PKP4: variants seen among roughly 807,000 people sequenced by gnomAD.
The protein encoded by PKP4 is plakophilin 4, also known as plakophilin-4.
Under a neutral mutation model 145.1 loss-of-function variants are expected in PKP4, and 90 were observed. The ratio of observed to expected loss-of-function variants is 0.62; its 90% CI spans 0.52 to 0.74. PKP4 has a LOEUF of 0.74. Among genes scored for constraint, PKP4 ranks in the 30% least tolerant of loss-of-function variants. PKP4 has a pLI of 0.00. For synonymous variants in PKP4, 563 were observed against 577.2 expected (o/e 0.98, Z 0.35); for missense variants, 1,340 against 1,482.7 (o/e 0.90, Z 1.58).
At chr2:158,466,374 A>G (rs1211989224) in intron 1 of PKP4, among the ~76,000 whole-genome samples, 1 of 152,176 alleles carries the variant, frequency 6.6e-6, no homozygotes, top group African/African-American at 2.4e-5. Flanking sequence ...CTTGCTAGAT[A>G]AATAATTCAT....
chr2:158,656,179 C>T (rs2055898856), intron 11 of PKP4, among the ~76,000 whole-genome samples: 1 of 152,128 alleles, frequency 6.6e-6, no homozygotes, highest in Non-Finnish European at 1.5e-5. Flanking sequence ...TTCCTCAGTT[C>T]CTCACATGGC....
At chr2:158,489,863 G>T (rs1290253448) in intron 1 of PKP4, among the ~76,000 whole-genome samples, 1 of 152,138 alleles carries the variant, frequency 6.6e-6, no homozygotes, top group African/African-American at 2.4e-5. Context: ...TAAGGTGAGA[G>T]GAGTCTGGAT....
intron 16 of PKP4, among the ~76,000 whole-genome samples, chr2:158,667,452 C>G (rs1199763206): frequency 1.3e-5 from 2 of 152,124 alleles, no homozygotes; most frequent in Non-Finnish European, 2.9e-5. Context: ...GAGCTCCATG[C>G]CAAGTCCCAC....
intron 16 of PKP4, among the ~76,000 whole-genome samples, chr2:158,667,040 T>C (rs78468195): frequency 2.1e-5 from 1 of 48,322 alleles, no homozygotes; most frequent in East Asian, 1.1e-3. Context: ...ATTTCCACCC[T>C]GGGCAGGGGC....
intron 1 of PKP4, among the ~76,000 whole-genome samples, chr2:158,511,323 T>C (rs1310426922): frequency 6.6e-6 from 1 of 152,130 alleles, no homozygotes; most frequent in African/African-American, 2.4e-5. Flanking sequence ...GAGGCGGAGG[T>C]TGCAGTGAGC....
chr2:158,515,100 C>T (rs1449890642), intron 1 of PKP4, among the ~76,000 whole-genome samples: 1 of 152,128 alleles, frequency 6.6e-6, no homozygotes, highest in African/African-American at 2.4e-5. Context: ...TATAAATTAA[C>T]GTCTGTCCTA....
intron 1 of PKP4, among the ~76,000 whole-genome samples, chr2:158,522,542 C>A (rs1394122360): frequency 1.3e-5 from 2 of 152,146 alleles, no homozygotes; most frequent in Non-Finnish European, 2.9e-5. Flanking sequence ...CCATAGTGAA[C>A]CCTCCTCTAA....
intron 2 of PKP4, among the ~76,000 whole-genome samples, chr2:158,556,406 G>C (rs944622616): frequency 2.6e-5 from 4 of 152,158 alleles, no homozygotes; most frequent in African/African-American, 9.6e-5. Flanking sequence ...CCTGGGACTT[G>C]TTTGGTATCT....
intron 9 of PKP4, among the ~76,000 whole-genome samples, chr2:158,636,289 GATAT>G (rs1310267115): frequency 6.6e-6 from 1 of 151,492 alleles, no homozygotes; most frequent in African/African-American, 2.4e-5. Flanking sequence ...TTTTTTGCTA[GATAT>G]ATAATTCAGG....
intron 1 of PKP4, among the ~76,000 whole-genome samples, chr2:158,473,460 G>C (rs773821986): frequency 3.9e-5 from 6 of 152,188 alleles, no homozygotes; most frequent in Non-Finnish European, 7.3e-5. Context: ...CATATACACC[G>C]TGCAATACTA....
chr2:158,633,237 C>T (rs955619069), intron 8 of PKP4, among the ~76,000 whole-genome samples: 1 of 152,206 alleles, frequency 6.6e-6, no homozygotes, highest in Non-Finnish European at 1.5e-5. Flanking sequence ...ATGTGTTTTC[C>T]TATACATTCA....
chr2:158,578,793 A>G (rs990732306), intron 3 of PKP4, among the ~76,000 whole-genome samples: 8 of 152,218 alleles, frequency 5.3e-5, no homozygotes, highest in African/African-American at 4.8e-5. Flanking sequence ...AATACTTGGT[A>G]TATCAATAAT....
chr2:158,513,434 A>G (rs1245055829), intron 1 of PKP4, among the ~76,000 whole-genome samples: 1 of 152,154 alleles, frequency 6.6e-6, no homozygotes, highest in African/African-American at 2.4e-5. Context: ...ACAAGGAAGG[A>G]CAAGGTTTCC....
chr2:158,678,512 G>T (rs1007150242), intron 20 of PKP4, 69 bp from the exon 21 acceptor site: 1 of 1,099,974 alleles, frequency 9.1e-7, no homozygotes, highest in African/African-American at 1.5e-5. Context: ...TAGTGCAGGG[G>T]AGACCACCCA....
chr2:158,676,525 G>C (rs1024726351), intron 19 of PKP4, among the ~76,000 whole-genome samples: 6 of 152,202 alleles, frequency 3.9e-5, no homozygotes, highest in Admixed American at 6.5e-5. Context: ...TGACTTTGCT[G>C]ATTTGTGCAG....
At chr2:158,651,451 G>A (rs1198497976) in intron 11 of PKP4, among the ~76,000 whole-genome samples, 1 of 151,842 alleles carries the variant, frequency 6.6e-6, no homozygotes, top group African/African-American at 2.4e-5. Flanking sequence ...CCCCTCCCTG[G>A]GATAACACCT....
At chr2:158,552,075 G>A (rs1048250460) in intron 2 of PKP4, among the ~76,000 whole-genome samples, 1 of 152,196 alleles carries the variant, frequency 6.6e-6, no homozygotes, top group Non-Finnish European at 1.5e-5. Flanking sequence ...ATCCAGGTGA[G>A]TTCTAAATGC....
chr2:158,633,793 T>C (rs2053589417), intron 8 of PKP4, among the ~76,000 whole-genome samples: 1 of 152,238 alleles, frequency 6.6e-6, no homozygotes, highest in Admixed American at 6.5e-5. Flanking sequence ...TATATTTCTC[T>C]CAGTTTTGTT....
intron 2 of PKP4, among the ~76,000 whole-genome samples, chr2:158,557,908 T>G (rs1379439597): frequency 6.6e-6 from 1 of 152,176 alleles, no homozygotes; most frequent in African/African-American, 2.4e-5. Context: ...TTGAGGTGAT[T>G]GTGGATCATC....
Sources: gnomAD v4.1 joint callset for allele counts (sites outside exome capture counted in the v4.1 genomes callset) on GRCh38, gnomAD v4.1.1 for gene constraint, MANE v1.5 for transcripts, NCBI Gene and HGNC (gene_info 2026-07-23, HGNC 2026-07-21) for gene names.